Variants in FAM193A observed in about 807,000 individuals in gnomAD.
FAM193A encodes the protein family with sequence similarity 193 member A, also known as protein FAM193A.
FAM193A carries 22 observed loss-of-function variants against 126.5 expected under a neutral mutation model. The observed-to-expected ratio is 0.17, with a 90% CI of 0.12 to 0.25. The LOEUF is 0.25. Among genes scored for constraint, FAM193A ranks in the 10% least tolerant of loss-of-function variants. The probability of loss-of-function intolerance (pLI) is 1.00; values close to 1 mark genes in which losing one functional copy is unlikely to be tolerated. For synonymous variants in FAM193A, 761 were observed against 646.8 expected, an observed-to-expected ratio of 1.18 and a Z score of -2.68; for missense variants, 1,675 against 1,672.8, an observed-to-expected ratio of 1.00 and a Z score of -0.02.
chr4:2,636,456 TAG>T (rs1407168282), intron 5 of FAM193A, among the ~76,000 whole-genome samples: 4 of 152,160 alleles, frequency 2.6e-5, no homozygotes. Flanking sequence ...AGTTGCGATG[TAG>T]AGTCTGAAAC....
rs1344221565 is a variant in FAM193A at position 2,694,972 on chromosome 4, G to T, written c.3119G>T (p.Cys1040Phe). Residue 1040 changes from cysteine to phenylalanine, a missense_variant, in exon 17 of 21, where the codon TGC becomes TTC. By Grantham distance (205) the Cys-to-Phe change is radical. This residue lies in a region of FAM193A where 1,186 missense variants were observed against 1,109.2 expected (regional missense o/e 1.07). Transcript: ENST00000637812. ...CSDPDCEGHR[C>F]ENGVYDPQQD... ...GACCCTGACTGCGAAGGGCACCGCTGCGAGAATGGTGTCTACGACCCACAG... is the reference window on the plus strand; with the variant it reads ...GACCCTGACTGCGAAGGGCACCGCTTCGAGAATGGTGTCTACGACCCACAG... 6.2e-7 allele frequency: 1 copy of T among 1,603,826 alleles called. No individual in the cohort carries two copies. Among genetic ancestry groups the T allele is most frequent in the South Asian group, 1.1e-5 (1 of 88,928 alleles).
chr4:2,569,293 C>A (rs910396960), intron 1 of FAM193A, among the ~76,000 whole-genome samples: 1 of 151,836 alleles, frequency 6.6e-6, no homozygotes, highest in African/African-American at 2.4e-5. Context: ...GCCAGCTGAT[C>A]GGAAACCCAC....
At position 2,625,361 on chromosome 4, in the gene FAM193A, A is replaced by G. The variant is rs1742846716; in HGVS notation, c.601A>G (p.Thr201Ala). Reference sequence around the variant, plus strand: ...GGGTGCACAGACGCTGCCTTCAGACACCGCATGCTCGTGCGAGGCCTGCAG... The same window carrying G: ...GGGTGCACAGACGCTGCCTTCAGACGCCGCATGCTCGTGCGAGGCCTGCAG... ...ALGAQTLPSD[T>A]ACSCEACSER... Residue 201 changes from threonine to alanine, a missense_variant, in exon 3 of 21, where the codon ACC (threonine) becomes GCC (alanine). Coordinates refer to ENST00000637812, the MANE Select transcript of FAM193A (RefSeq NM_001366318.2). The G allele has an allele frequency of 1.3e-5, 9 of 702,844 alleles. No homozygotes were observed. The highest frequency in any genetic ancestry group is 3.0e-5 in the South Asian group (2 of 67,594). The allele number at this position is 702,844 out of a possible 1,614,324, so 43.5% of individuals were successfully genotyped here. A position where few individuals can be genotyped will look rare whatever the true frequency, so the allele number is the denominator to read the frequency against.
Position 2,537,140 on chromosome 4 carries a change from G to T in FAM193A, c.225G>T (p.Ala75=). The T allele has an allele frequency of 5.3e-6, 1 of 187,364 alleles. No individual in the cohort carries two copies. The highest frequency in any genetic ancestry group is 1.7e-4 in the South Asian group (1 of 5,744). The allele number at this position is 187,364 out of a possible 1,614,324, so 11.6% of individuals were successfully genotyped here. ...GGCCTCTCGGCGCGGGCGCGAGCGC[G>T]GGCGGCGCCGCCCCCGGAGGCTACT... is the stretch of plus-strand genomic sequence containing the variant. ...ANGPLGAGAS[A]GGAAPGGYFE... The change falls in exon 1 of 21, where the codon GCG becomes GCT. Residue 75 remains alanine (A), a synonymous_variant. Coordinates refer to ENST00000637812, the MANE Select transcript of FAM193A (RefSeq NM_001366318.2).
At chr4:2,704,515 A>G (rs886226031) in intron 19 of FAM193A, among the ~76,000 whole-genome samples, 1 of 151,660 alleles carries the variant, frequency 6.6e-6, no homozygotes, top group Non-Finnish European at 1.5e-5. Context: ...CAGTGAGTCA[A>G]GATCACGCCA....
intron 13 of FAM193A, among the ~76,000 whole-genome samples, chr4:2,688,198 C>G (rs974617434): frequency 3.3e-5 from 5 of 152,096 alleles, no homozygotes; most frequent in African/African-American, 1.2e-4. Flanking sequence ...CCCACCTCAT[C>G]CTAGAGCGCA....
chr4:2,677,633 CG>C (rs1714569011), intron 13 of FAM193A, among the ~76,000 whole-genome samples: 1 of 150,442 alleles, frequency 6.6e-6, no homozygotes, highest in Admixed American at 6.7e-5. Flanking sequence ...CCCAGTTACT[CG>C]GGAGGCTGAG....
At chr4:2,694,030 T>G (rs920674513) in intron 16 of FAM193A, among the ~76,000 whole-genome samples, 156 bp downstream of exon 16, 1 of 151,906 alleles carries the variant, frequency 6.6e-6, no homozygotes, top group African/African-American at 2.4e-5. Flanking sequence ...AGGCCATGGG[T>G]AGAGGGGGGC....
chr4:2,675,258 A>G (rs981988151), intron 13 of FAM193A, among the ~76,000 whole-genome samples: 23 of 152,142 alleles, frequency 1.5e-4, no homozygotes, highest in Admixed American at 1.0e-3. Context: ...ATTATGTCCA[A>G]TTGATTGATG....
chr4:2,596,187 G>C lies in FAM193A; in HGVS notation c.359G>C (p.Ser120Thr), dbSNP rs772470711. Residue 120 changes from serine (S) to threonine (T), a missense_variant, in exon 2 of 21, where the codon AGT (serine) becomes ACT (threonine). Physicochemically the swap from Ser to Thr is moderately conservative, Grantham distance 58. This residue lies in a region of FAM193A where 1,186 missense variants were observed against 1,109.2 expected (regional missense o/e 1.07). Transcript: ENST00000637812. Reference protein sequence around the residue: ...SERKDSSFLESGIKTASKLAL... With the variant: ...SERKDSSFLETGIKTASKLAL... ...CGGAAAGACTCATCATTCTTAGAGA[G>C]TGGAATTAAGACTGCGAGCAAATTG... 1 of 703,006 alleles carries C rather than the reference G, an allele frequency of 1.4e-6. No homozygotes were observed. Among genetic ancestry groups the C allele is most frequent in the Middle Eastern group, 2.3e-4 (1 of 4,370 alleles). The allele number at this position is 703,006 out of a possible 1,614,324, so 43.5% of individuals were successfully genotyped here.
intron 12 of FAM193A, among the ~76,000 whole-genome samples, chr4:2,664,550 T>TTTTC (rs1307461759): frequency 6.9e-6 from 1 of 144,412 alleles, no homozygotes; most frequent in African/African-American, 2.6e-5. Context: ...TCTCTCTCTA[T>TTTTC]TTTCTTTCTT....
chr4:2,714,062 G>C (rs1414158819), intron 19 of FAM193A, among the ~76,000 whole-genome samples: 1 of 152,162 alleles, frequency 6.6e-6, no homozygotes, highest in African/African-American at 2.4e-5. Flanking sequence ...AGCACTTCCA[G>C]CAGACATGCC....
At chr4:2,701,406 CT>C in intron 19 of FAM193A, among the ~76,000 whole-genome samples, 1 of 150,574 alleles carries the variant, frequency 6.6e-6, no homozygotes, top group Non-Finnish European at 1.5e-5. Flanking sequence ...ATGACCTTTA[CT>C]TTTTTGAAGA....
chr4:2,597,855 C>T (rs190461121), intron 2 of FAM193A, among the ~76,000 whole-genome samples: 435 of 152,248 alleles, frequency 2.9e-3, no homozygotes, highest in African/African-American at 8.0e-3. Flanking sequence ...TCCCCTTGTT[C>T]CCCTTGGTAG....
chr4:2,556,171 C>T (rs1738246870), intron 1 of FAM193A, among the ~76,000 whole-genome samples: 1 of 152,104 alleles, frequency 6.6e-6, no homozygotes, highest in African/African-American at 2.4e-5. Flanking sequence ...GCTGGGATTA[C>T]AGGCATGAGC....
chr4:2,588,256 C>T (rs1740345257), intron 1 of FAM193A, among the ~76,000 whole-genome samples: 1 of 152,228 alleles, frequency 6.6e-6, no homozygotes, highest in South Asian at 2.1e-4. Flanking sequence ...GGGACCTTGG[C>T]CCTTTCCCTG....
intron 13 of FAM193A, among the ~76,000 whole-genome samples, chr4:2,673,290 A>G (rs1714030820): frequency 6.6e-6 from 1 of 152,218 alleles, no homozygotes; most frequent in South Asian, 2.1e-4. Flanking sequence ...GGAGGAGGAC[A>G]TGACATGGAA....
chr4:2,723,728 G>C (rs1469672969), intron 20 of FAM193A, among the ~76,000 whole-genome samples: 3 of 152,146 alleles, frequency 2.0e-5, no homozygotes, highest in Non-Finnish European at 2.9e-5. Flanking sequence ...TAATTCAAAG[G>C]TTTCAAAAAG....
chr4:2,582,760 C>G (rs1011965476), intron 1 of FAM193A, among the ~76,000 whole-genome samples: 1 of 151,876 alleles, frequency 6.6e-6, no homozygotes, highest in Non-Finnish European at 1.5e-5. Flanking sequence ...GTAGAGGCGG[C>G]TTGGATCTAG....
Sources: allele counts gnomAD v4.1 joint callset (sites outside exome capture counted in the v4.1 genomes callset), GRCh38; gene constraint gnomAD v4.1.1; regional missense constraint gnomAD v4.1.1; transcripts MANE v1.5; gene names NCBI Gene and HGNC (gene_info 2026-07-23, HGNC 2026-07-21).